The following RASAL2 variants were observed in gnomAD, a reference collection of about 807,000 sequenced individuals.
RASAL2 encodes ras GTPase-activating protein nGAP.
Under a neutral mutation model 128.9 loss-of-function variants are expected in RASAL2, and 58 were observed. The ratio of observed to expected loss-of-function variants is 0.45; its 90% confidence interval spans 0.36 to 0.56. RASAL2 has a LOEUF of 0.56. Ranked by LOEUF, RASAL2 falls within the 20% of genes least tolerant of loss-of-function variation. RASAL2 has a pLI of 0.00. For synonymous variants in RASAL2, 561 were observed against 580.8 expected, an observed-to-expected ratio of 0.97 and a Z score of 0.49; for missense variants, 1,360 against 1,601.6, an observed-to-expected ratio of 0.85 and a Z score of 2.57.
chr1:178,326,821 G>A (rs373620401), intron 3 of RASAL2, among the ~76,000 whole-genome samples: 66 of 152,312 alleles, frequency 4.3e-4, no homozygotes, highest in South Asian at 3.7e-3. Flanking sequence ...TGGGATTACA[G>A]GGGTGAGCCA....
intron 4 of RASAL2, among the ~76,000 whole-genome samples, chr1:178,400,297 A>G (rs141494034): frequency 1.4e-3 from 210 of 152,268 alleles, no homozygotes; most frequent in African/African-American, 4.3e-3. Flanking sequence ...GAGTTCCCCA[A>G]ACAAGTTTTC....
intron 14 of RASAL2, among the ~76,000 whole-genome samples, chr1:178,461,738 A>G (rs1678213414): frequency 6.6e-6 from 1 of 152,242 alleles, no homozygotes; most frequent in South Asian, 2.1e-4. Context: ...AAGAACTCCC[A>G]AAGTTTGTGG....
At position 178,241,483 on chromosome 1, in the gene RASAL2, A is replaced by G. The variant is rs192977906; in HGVS notation, c.203-42081A>G. 3.6e-3 allele frequency among the ~76,000 whole-genome samples: 543 copies of G among 152,286 alleles called. 13 individuals are homozygous for G. Among genetic ancestry groups the G allele is most frequent in the East Asian group, 9.6e-4 (5 of 5,188 alleles). The stretch of plus-strand genomic sequence containing the variant: ...ATTTCCATGGGTAAGCTCTTTTCTC[A>G]TCTTTTAAGGCAGCTGTGGATTTGG... On this transcript the variant is annotated intron_variant, in intron 1 of 17. Transcript: ENST00000367649.
chr1:178,428,099 T>G (rs1675642614), intron 5 of RASAL2, among the ~76,000 whole-genome samples: 1 of 151,934 alleles, frequency 6.6e-6, no homozygotes, highest in Admixed American at 6.6e-5. Context: ...AATTGTTACA[T>G]GTATCAGTAG....
intron 1 of RASAL2, among the ~76,000 whole-genome samples, chr1:178,215,309 A>G (rs1663389382): frequency 6.6e-6 from 1 of 152,198 alleles, no homozygotes; most frequent in South Asian, 2.1e-4. Context: ...ACATGGGTGG[A>G]ACTGATGTAA....
intron 3 of RASAL2, among the ~76,000 whole-genome samples, chr1:178,306,401 G>A (rs1667991633): frequency 6.6e-6 from 1 of 152,094 alleles, no homozygotes. Context: ...ATAGTCCTTT[G>A]GGTATATACC....
chr1:178,458,078 T>G lies in RASAL2; in HGVS notation c.2786T>G (p.Leu929Arg). The G allele has an allele frequency of 6.2e-7, 1 of 1,614,064 alleles. No homozygotes were observed. Among genetic ancestry groups the G allele is most frequent in the Non-Finnish European group, 8.5e-7 (1 of 1,180,018 alleles). The change falls in exon 14 of 18, where the codon CTC becomes CGC. Residue 929 changes from leucine to arginine, a missense_variant. This residue lies in a region of RASAL2 where 741 missense variants were observed against 868.6 expected (regional missense o/e 0.85). Coordinates refer to ENST00000367649, the MANE Select transcript of RASAL2 (RefSeq NM_170692.4). The part of the protein sequence containing the change: ...PLSFQNPVYH[L>R]NNPIPAMPKA... Reference sequence around the variant, plus strand: ...TCGTTCCAGAACCCTGTCTATCACCTCAATAACCCAATTCCAGCAATGCCA... The same window carrying G: ...TCGTTCCAGAACCCTGTCTATCACCGCAATAACCCAATTCCAGCAATGCCA...
chr1:178,211,207 T>A (rs1663243931), intron 1 of RASAL2, among the ~76,000 whole-genome samples: 1 of 152,136 alleles, frequency 6.6e-6, no homozygotes, highest in Non-Finnish European at 1.5e-5. Flanking sequence ...AAGAACTTCT[T>A]CACCATCTGG....
chr1:178,408,947 A>T (rs1226819276), intron 4 of RASAL2, among the ~76,000 whole-genome samples: 2 of 152,112 alleles, frequency 1.3e-5, no homozygotes, highest in Non-Finnish European at 2.9e-5. Flanking sequence ...GTAAAGAACT[A>T]CCTGAGACTG....
At chr1:178,359,548 A>C (rs762449592) in intron 3 of RASAL2, among the ~76,000 whole-genome samples, 2 of 152,132 alleles carry the variant, frequency 1.3e-5, no homozygotes, top group Non-Finnish European at 2.9e-5. Flanking sequence ...TCATTTTACA[A>C]AACATCATTT....
At chr1:178,438,411 T>C (rs972022558) in intron 5 of RASAL2, among the ~76,000 whole-genome samples, 7 of 152,030 alleles carry the variant, frequency 4.6e-5, no homozygotes, top group Non-Finnish European at 7.4e-5. Context: ...ACAAGGCATT[T>C]CTTTTTATCC....
chr1:178,360,392 C>G (rs1210088198), intron 3 of RASAL2, among the ~76,000 whole-genome samples: 1 of 152,180 alleles, frequency 6.6e-6, no homozygotes, highest in African/African-American at 2.4e-5. Flanking sequence ...ATTTGAATGC[C>G]TTCTGCGTGT....
At position 178,439,646 on chromosome 1, in the gene RASAL2, G is replaced by A. The variant is rs755463012; in HGVS notation, c.828+71G>A. The A allele has an allele frequency of 2.6e-4, 372 of 1,449,358 alleles. 1 individual carries two copies. Among genetic ancestry groups the A allele is most frequent in the Non-Finnish European group, 3.3e-4 (347 of 1,058,478 alleles). 89.8% of individuals were successfully genotyped at this position (1,449,358 alleles called of 1,614,324 possible). On this transcript the variant is annotated intron_variant, in intron 6 of 17. Transcript: ENST00000367649. ...TGGATTTTATGTCCAGTAATTTTGC[G>A]ATTTCATTGCTGTACAGTTGATGAT...
At chr1:178,446,075 C>A (rs1676979181) in intron 9 of RASAL2, among the ~76,000 whole-genome samples, 1 of 152,312 alleles carries the variant, frequency 6.6e-6, no homozygotes, top group Non-Finnish European at 1.5e-5. Flanking sequence ...AAACTCTTGC[C>A]ACTTCCCACA....
intron 1 of RASAL2, among the ~76,000 whole-genome samples, chr1:178,269,380 ATCT>A (rs1666136947): frequency 1.3e-5 from 2 of 152,246 alleles, no homozygotes. Context: ...GAAGGAGGAC[ATCT>A]TCTTGTCAGA....
Position 178,457,944 on chromosome 1 carries a change from G to T in RASAL2, c.2652G>T (p.Val884=). ...GAAGCCAGCTTTCCATAACCCAGGT[G>T]GCCAGCATCAAACAGCTGCGGGAAA... ...LTGSQLSITQ[V]ASIKQLRETQ... Residue 884 remains valine (V), a synonymous_variant, in exon 14 of 18, where the codon GTG becomes GTT. Transcript: ENST00000367649. 6.2e-7 allele frequency: 1 copy of T among 1,614,114 alleles called. No individual in the cohort carries two copies. Among genetic ancestry groups the T allele is most frequent in the East Asian group, 2.2e-5 (1 of 44,864 alleles).
At chr1:178,101,030 T>A (rs1399827700) in intron 1 of RASAL2, among the ~76,000 whole-genome samples, 1 of 152,202 alleles carries the variant, frequency 6.6e-6, no homozygotes, top group East Asian at 1.9e-4. Context: ...TCCCAAAGGC[T>A]GTCAAGTACT....
In RASAL2 at chr1:178,345,927, T is replaced by A. The variant is rs540182849; in HGVS notation, c.458-44173T>A. ...GTGTGTCCAGTATGATTATAGAATATTTCTTATCAGTATTTTCTCAAAGTA... is the reference window on the plus strand; with the variant it reads ...GTGTGTCCAGTATGATTATAGAATAATTCTTATCAGTATTTTCTCAAAGTA... On this transcript the variant is annotated intron_variant, in intron 3 of 17. Coordinates refer to ENST00000367649, the MANE Select transcript of RASAL2 (RefSeq NM_170692.4). Among the ~76,000 whole-genome samples the A allele has an allele frequency of 2.0e-5, 3 of 152,280 alleles. No homozygotes were observed. The East Asian group carries it at 5.8e-4, about 29-fold the overall frequency.
intron 9 of RASAL2, among the ~76,000 whole-genome samples, chr1:178,448,706 G>A (rs1464022421): frequency 4.6e-5 from 7 of 151,260 alleles, no homozygotes; most frequent in Admixed American, 6.6e-5. Context: ...TATGGAGATA[G>A]GAGTGAGTAT....
Sources: gnomAD v4.1 joint callset for allele counts (sites outside exome capture counted in the v4.1 genomes callset) on GRCh38, gnomAD v4.1.1 for gene constraint, gnomAD v4.1.1 regional missense constraint, MANE v1.5 for transcripts, NCBI Gene and HGNC (gene_info 2026-07-23, HGNC 2026-07-21) for gene names.